ZBTB40: variants seen among roughly 807,000 people sequenced by gnomAD.
ZBTB40 encodes zinc finger and BTB domain containing 40.
ZBTB40 carries 60 observed loss-of-function variants against 117.5 expected under a neutral mutation model. The ratio of observed to expected loss-of-function variants is 0.51; its 90% CI spans 0.41 to 0.63. The LOEUF (loss-of-function observed/expected upper bound fraction) is 0.63. Among genes scored for constraint, ZBTB40 ranks in the 30% least tolerant of loss-of-function variants. The pLI, the probability that ZBTB40 is intolerant of heterozygous loss-of-function variation, is 0.00. For synonymous variants in ZBTB40, 525 were observed against 577.1 expected, an observed-to-expected ratio of 0.91 and a Z score of 1.29; for missense variants, 1,287 against 1,498.5, an observed-to-expected ratio of 0.86 and a Z score of 2.33.
chr1:22,489,957 C>T lies in ZBTB40; in HGVS notation c.9C>T (p.Leu3=). 2.5e-6 allele frequency: 4 copies of T among 1,611,514 alleles called. No individual in the cohort carries two copies. Among genetic ancestry groups the T allele is most frequent in the Non-Finnish European group, 3.4e-6 (4 of 1,179,978 alleles). ...GGGGCAGAGTTGACGCAATGGAGCT[C>T]CCCAACTACAGCCGGCAGCTGCTGC... is the stretch of plus-strand genomic sequence containing the variant. ME[L]PNYSRQLLQQ... is the part of the protein sequence containing the mutation. The change falls in exon 2 of 18, where the codon CTC becomes CTT. Residue 3 remains leucine (L), a synonymous_variant. Coordinates refer to ENST00000375647, the MANE Select transcript of ZBTB40 (RefSeq NM_014870.4).
chr1:22,516,661 C>T lies in ZBTB40; in HGVS notation c.2669-639C>T, dbSNP rs148936173. 7.2e-4 allele frequency among the ~76,000 whole-genome samples: 109 copies of T among 152,302 alleles called. 1 individual carries two copies. The East Asian group carries it at 0.013, about 18-fold the overall frequency. On this transcript the variant is annotated intron_variant, in intron 12 of 17. Transcript: ENST00000375647. The stretch of plus-strand genomic sequence containing the variant: ...TCCGGGGTTCTGGTGCCATGCCTCA[C>T]CAATTGCCCTGCTTGCTCTCTCGGC...
intron 1 of ZBTB40, among the ~76,000 whole-genome samples, chr1:22,480,171 G>T (rs1638251062): frequency 6.6e-6 from 1 of 152,110 alleles, no homozygotes; most frequent in Non-Finnish European, 1.5e-5. Context: ...CTCCCAAAGT[G>T]CTGGGATTAC....
In ZBTB40 at chr1:22,526,561, A is replaced by C. The variant is rs2124479069; in HGVS notation, c.*165A>C. The C allele has an allele frequency of 3.4e-6, 3 of 892,814 alleles. No homozygotes were observed. Among genetic ancestry groups the C allele is most frequent in the Non-Finnish European group, 5.2e-6 (3 of 572,002 alleles). The allele number at this position is 892,814 out of a possible 1,614,324, so 55.3% of individuals were successfully genotyped here. A position where few individuals can be genotyped will look rare whatever the true frequency, so the allele number is the denominator to read the frequency against. On this transcript the variant is annotated 3_prime_UTR_variant, in exon 18 of 18. Coordinates refer to ENST00000375647, the MANE Select transcript of ZBTB40 (RefSeq NM_014870.4). The stretch of plus-strand genomic sequence containing the variant: ...AACAGATGGAAGCTTCGTTGTTCTC[A>C]TAGAACCAACAGCATCTGAGCCCTC...
chr1:22,481,536 A>G (rs1638317127), intron 1 of ZBTB40, among the ~76,000 whole-genome samples: 1 of 152,116 alleles, frequency 6.6e-6, no homozygotes, highest in South Asian at 2.1e-4. Context: ...GTTCACAAAA[A>G]CATTAAATAG....
intron 1 of ZBTB40, among the ~76,000 whole-genome samples, chr1:22,432,670 A>C (rs904866518): frequency 6.6e-6 from 1 of 152,136 alleles, no homozygotes. Context: ...TCAGATTTCC[A>C]TGGTTTTTGT....
At chr1:22,464,058 A>T (rs1431679334) in intron 1 of ZBTB40, among the ~76,000 whole-genome samples, 2 of 152,258 alleles carry the variant, frequency 1.3e-5, no homozygotes, top group Non-Finnish European at 2.9e-5. Flanking sequence ...GGCAGCTAGC[A>T]GCTAATTATT....
chr1:22,504,319 A>G (rs1037576661), intron 5 of ZBTB40, among the ~76,000 whole-genome samples: 1 of 152,204 alleles, frequency 6.6e-6, no homozygotes, highest in African/African-American at 2.4e-5. Flanking sequence ...ACATATTTAC[A>G]TGAGGACTGG....
Position 22,526,488 on chromosome 1 carries a change from G to A in ZBTB40, c.*92G>A. 30 of 1,528,266 alleles carry A rather than the reference G, an allele frequency of 2.0e-5. No homozygotes were observed. Among genetic ancestry groups the A allele is most frequent in the Non-Finnish European group, 2.7e-5 (30 of 1,111,826 alleles). 94.7% of individuals were successfully genotyped at this position (1,528,266 alleles called of 1,614,324 possible). A position where few individuals can be genotyped will look rare whatever the true frequency, so the allele number is the denominator to read the frequency against. On this transcript the variant is annotated 3_prime_UTR_variant, in exon 18 of 18. Coordinates refer to ENST00000375647, the MANE Select transcript of ZBTB40 (RefSeq NM_014870.4). ...TGCCCTCCATCCCTGGCTGTCCTGAGTGGTGAGCATCTTAGCTTAGCACCA... is the reference window on the plus strand; with the variant it reads ...TGCCCTCCATCCCTGGCTGTCCTGAATGGTGAGCATCTTAGCTTAGCACCA...
chr1:22,508,281 T>G, intron 7 of ZBTB40, 144 bp downstream of exon 7: 1 of 1,082,748 alleles, frequency 9.2e-7, no homozygotes, highest in Non-Finnish European at 1.3e-6. Flanking sequence ...AAATAGAAGG[T>G]ATCTCAGTTT....
At chr1:22,487,627 T>C (rs988941078) in intron 1 of ZBTB40, among the ~76,000 whole-genome samples, 3 of 152,064 alleles carry the variant, frequency 2.0e-5, no homozygotes, top group African/African-American at 7.2e-5. Context: ...GGCTCTCTCC[T>C]ATTACCAGTT....
At chr1:22,435,448 T>C (rs1640657389) in intron 1 of ZBTB40, among the ~76,000 whole-genome samples, 1 of 152,234 alleles carries the variant, frequency 6.6e-6, no homozygotes, top group Non-Finnish European at 1.5e-5. Context: ...TAGCACATTT[T>C]ACTTCTTTTT....
rs10917242 is a variant in ZBTB40, at chr1:22,504,151, G to A, written c.1167+1710G>A. Among the ~76,000 whole-genome samples, 310 of 152,322 alleles carry A rather than the reference G, an allele frequency of 2.0e-3. 1 individual carries two copies. Among genetic ancestry groups the A allele is most frequent in the African/African-American group, 6.5e-3 (270 of 41,570 alleles). ...GAAGCAGACTAAGAAAGTGGGAGTG[G>A]AGAGGTGAATGTTGATTGAATAGCC... On this transcript the variant is annotated intron_variant, in intron 5 of 17. Transcript: ENST00000375647.
rs781117907 is a variant in ZBTB40 at position 22,512,887 on chromosome 1, C to T, written c.2462-37C>T. ...CTAGATTCCTAACACTGATTAGTAG[C>T]ATCTCTTCTGGCCTCTGGTGTGCTT... On this transcript the variant is annotated intron_variant, in intron 11 of 17. Coordinates refer to ENST00000375647, the MANE Select transcript of ZBTB40 (RefSeq NM_014870.4). 1.9e-6 allele frequency: 3 copies of T among 1,606,334 alleles called. No individual in the cohort carries two copies. The South Asian group carries it at 3.3e-5, about 18-fold the overall frequency.
At chr1:22,479,412 G>A (rs1638228008) in intron 1 of ZBTB40, among the ~76,000 whole-genome samples, 1 of 152,072 alleles carries the variant, frequency 6.6e-6, no homozygotes, top group African/African-American at 2.4e-5. Context: ...TGTTTATAAA[G>A]TCAGCCTGAC....
At chr1:22,521,413 AT>A in intron 14 of ZBTB40, 82 bp from the exon 15 acceptor site, 1 of 1,560,594 alleles carries the variant, frequency 6.4e-7, no homozygotes, top group Non-Finnish European at 8.8e-7. Context: ...CCAAAAATGT[AT>A]TTCTTTCTCT....
At chr1:22,453,210 C>T (rs1640924222) in intron 1 of ZBTB40, among the ~76,000 whole-genome samples, 1 of 152,182 alleles carries the variant, frequency 6.6e-6, no homozygotes, top group Admixed American at 6.5e-5. Flanking sequence ...TTTTTTTCTA[C>T]TTAGCTAAAT....
intron 1 of ZBTB40, among the ~76,000 whole-genome samples, chr1:22,471,623 C>A (rs982322579): frequency 6.6e-6 from 1 of 152,232 alleles, no homozygotes; most frequent in African/African-American, 2.4e-5. Context: ...AGTTGATGAC[C>A]TTGCCAAAGG....
chr1:22,530,753 G>C lies in ZBTB40; in HGVS notation c.*4357G>C, dbSNP rs1557534328. 1 of 152,290 alleles carries C rather than the reference G, an allele frequency of 6.6e-6. No individual in the cohort carries two copies. Among genetic ancestry groups the C allele is most frequent in the African/African-American group, 2.4e-5 (1 of 41,416 alleles). 9.4% of individuals were successfully genotyped at this position (152,290 alleles called of 1,614,324 possible). A position where few individuals can be genotyped will look rare whatever the true frequency, so the allele number is the denominator to read the frequency against. On this transcript the variant is annotated 3_prime_UTR_variant, in exon 18 of 18. Coordinates refer to ENST00000375647, the MANE Select transcript of ZBTB40 (RefSeq NM_014870.4). ...ATAGACCTGCTTTCTCTTTGGTTCT[G>C]GGCCAGTGTCAGACGGGGACAGGGG...
chr1:22,510,868 G>C (rs934874849), intron 9 of ZBTB40, among the ~76,000 whole-genome samples: 2 of 152,092 alleles, frequency 1.3e-5, no homozygotes, highest in African/African-American at 2.4e-5. Context: ...ATCCAGAAAA[G>C]GTCTTTGGGA....
Sources: gnomAD v4.1 joint callset for allele counts (sites outside exome capture counted in the v4.1 genomes callset) on GRCh38, gnomAD v4.1.1 for gene constraint, MANE v1.5 for transcripts, NCBI Gene and HGNC (gene_info 2026-07-23, HGNC 2026-07-21) for gene names.